The following FRYL variants were observed in gnomAD, a reference collection of about 807,000 sequenced individuals.
FRYL encodes FRY like transcription coactivator.
A neutral mutation model predicts 351.2 loss-of-function variants in FRYL; 150 were observed. That is an observed-to-expected ratio of 0.43 (90% CI 0.37 to 0.49). FRYL has a LOEUF of 0.49. FRYL is among the 20% of genes least tolerant of loss of function. The probability of loss-of-function intolerance (pLI) is 0.00; values close to 1 mark genes in which losing one functional copy is unlikely to be tolerated. For synonymous variants in FRYL, 1,153 were observed against 1,257.1 expected (o/e 0.92, Z 1.75); for missense variants, 3,036 against 3,619.3 (o/e 0.84, Z 4.13).
chr4:48,637,671 C>T (rs1014113653), intron 3 of FRYL: 3 of 152,062 alleles, frequency 2.0e-5, no homozygotes, highest in African/African-American at 7.2e-5. Context: ...TAAACAGGAC[C>T]TGAATAATTA....
chr4:48,518,722 A>T (rs1352179469), intron 55 of FRYL, among the ~76,000 whole-genome samples: 2 of 151,918 alleles, frequency 1.3e-5, no homozygotes, highest in African/African-American at 4.8e-5. Context: ...TCTCCCTCCA[A>T]ATCTTCAAGG....
intron 6 of FRYL, among the ~76,000 whole-genome samples, chr4:48,620,387 G>A (rs1325156713): frequency 6.6e-6 from 1 of 152,112 alleles, no homozygotes; most frequent in African/African-American, 2.4e-5. Flanking sequence ...TCCTAAATAG[G>A]TTTTTGTATT....
At chr4:48,589,589 A>C (rs191451823) in intron 18 of FRYL, among the ~76,000 whole-genome samples, 156 bp downstream of exon 18, 2 of 152,312 alleles carry the variant, frequency 1.3e-5, no homozygotes, top group Non-Finnish European at 2.9e-5. Context: ...AAGGAATAAA[A>C]CTGAGTGTGT....
At chr4:48,651,596 C>A (rs1327887745) in intron 3 of FRYL, among the ~76,000 whole-genome samples, 1 of 152,162 alleles carries the variant, frequency 6.6e-6, no homozygotes, top group Non-Finnish European at 1.5e-5. Flanking sequence ...TTCACATATA[C>A]TTTCTCTAAG....
chr4:48,602,836 C>T (rs1336306845), intron 12 of FRYL, among the ~76,000 whole-genome samples: 1 of 152,098 alleles, frequency 6.6e-6, no homozygotes, highest in African/African-American at 2.4e-5. Flanking sequence ...TGTACCTTCT[C>T]GTGTTTAGAT....
At chr4:48,768,749 C>CCATT (rs1236217335) in intron 1 of FRYL, among the ~76,000 whole-genome samples, 1 of 151,884 alleles carries the variant, frequency 6.6e-6, no homozygotes, top group Non-Finnish European at 1.5e-5. Flanking sequence ...GTTGAGTGCG[C>CCATT]CATTGCACTC....
chr4:48,613,679 G>C lies in FRYL; in HGVS notation c.412-3856C>G, dbSNP rs1164596045. On this transcript the variant is annotated intron_variant, in intron 7 of 63. Coordinates refer to ENST00000358350, the MANE Select transcript of FRYL (RefSeq NM_015030.2). The stretch of plus-strand genomic sequence containing the variant: ...ATATATGTAAATGCATTTGAGGCTG[G>C]GCACAGTGGCTCACGCCTGTAATCC... Among the ~76,000 whole-genome samples, 3 of 152,178 alleles carry C rather than the reference G, an allele frequency of 2.0e-5. No individual in the cohort carries two copies. The East Asian group carries it at 5.8e-4, about 29-fold the overall frequency.
chr4:48,676,286 ACACT>A (rs1359564350), intron 3 of FRYL, among the ~76,000 whole-genome samples: 11 of 152,126 alleles, frequency 7.2e-5, no homozygotes, highest in Non-Finnish European at 1.5e-4. Flanking sequence ...ATGAGCTGTA[ACACT>A]CACCGCGAAG....
chr4:48,547,340 T>C (rs1053318309), intron 41 of FRYL: 4 of 304,908 alleles, frequency 1.3e-5, no homozygotes, highest in African/African-American at 4.3e-5. Flanking sequence ...CATTATGTCT[T>C]CAACTTACAT....
At chr4:48,715,144 T>C (rs1488825244) in intron 1 of FRYL, among the ~76,000 whole-genome samples, 1 of 152,016 alleles carries the variant, frequency 6.6e-6, no homozygotes, top group Non-Finnish European at 1.5e-5. Flanking sequence ...GAGCTATCTA[T>C]GACAAACCCA....
At chr4:48,754,675 T>TTG in intron 1 of FRYL, among the ~76,000 whole-genome samples, 1 of 149,472 alleles carries the variant, frequency 6.7e-6, no homozygotes, top group Non-Finnish European at 1.5e-5. Flanking sequence ...GGGGTTTTTT[T>TTG]TTTTTTTTTT....
chr4:48,666,986 A>G (rs1560823148), intron 3 of FRYL, among the ~76,000 whole-genome samples: 4 of 152,358 alleles, frequency 2.6e-5, no homozygotes, highest in East Asian at 3.9e-4. Context: ...AACAGTTTAA[A>G]TAAGTCAGTG....
At chr4:48,721,638 T>C (rs1769484314) in intron 1 of FRYL, among the ~76,000 whole-genome samples, 1 of 152,292 alleles carries the variant, frequency 6.6e-6, no homozygotes. Flanking sequence ...TCTGAGATTC[T>C]TGCTTCCATA....
At chr4:48,751,523 A>C (rs1175225223) in intron 1 of FRYL, among the ~76,000 whole-genome samples, 1 of 152,216 alleles carries the variant, frequency 6.6e-6, no homozygotes. Context: ...GATGGAAACC[A>C]ATGAAGTCTG....
At chr4:48,586,403 G>A (rs956650740) in intron 19 of FRYL, among the ~76,000 whole-genome samples, 6 of 151,796 alleles carry the variant, frequency 4.0e-5, no homozygotes, top group Non-Finnish European at 8.8e-5. Flanking sequence ...GGATTTGTGG[G>A]GGGAATCTAG....
At chr4:48,624,325 C>T (rs1751337579) in intron 4 of FRYL, among the ~76,000 whole-genome samples, 1 of 152,116 alleles carries the variant, frequency 6.6e-6, no homozygotes, top group Admixed American at 6.6e-5. Context: ...CTACAAAACA[C>T]AGAAGACGTG....
At chr4:48,700,540 G>A (rs182066833) in intron 2 of FRYL, among the ~76,000 whole-genome samples, 5 of 152,076 alleles carry the variant, frequency 3.3e-5, no homozygotes, top group Admixed American at 6.6e-5. Context: ...CAGTGGTCAC[G>A]CCTGTAATCC....
At chr4:48,690,520 C>T (rs759805681) in intron 2 of FRYL, among the ~76,000 whole-genome samples, 14 of 152,110 alleles carry the variant, frequency 9.2e-5, no homozygotes, top group Non-Finnish European at 1.8e-4. Flanking sequence ...AAGTTGCCTA[C>T]AAAGTCTCTG....
chr4:48,706,279 T>C (rs1466552698), intron 2 of FRYL, among the ~76,000 whole-genome samples: 3 of 152,204 alleles, frequency 2.0e-5, no homozygotes, highest in Non-Finnish European at 4.4e-5. Flanking sequence ...TAAAATGTGG[T>C]ATGTAAATAC....
Sources: allele counts gnomAD v4.1 joint callset (sites outside exome capture counted in the v4.1 genomes callset), GRCh38; gene constraint gnomAD v4.1.1; transcripts MANE v1.5; gene names NCBI Gene and HGNC (gene_info 2026-07-23, HGNC 2026-07-21).